The following PCDH7 variants were observed in gnomAD, a reference collection of about 807,000 sequenced individuals.
PCDH7 encodes protocadherin-7.
In PCDH7, 17 loss-of-function variants were observed where a neutral mutation model predicts 58.9. That is an observed-to-expected ratio of 0.29 (90% CI 0.20 to 0.43). The LOEUF is 0.43. Ranked by LOEUF, PCDH7 falls within the 20% of genes least tolerant of loss-of-function variation. PCDH7 has a pLI of 1.00. For synonymous variants in PCDH7, 664 were observed against 616.4 expected, an observed-to-expected ratio of 1.08 and a Z score of -1.14; for missense variants, 1,274 against 1,441.0, an observed-to-expected ratio of 0.88 and a Z score of 1.88.
chr4:31,144,112 T>C (rs774231983), downstream of PCDH7: 2 of 152,202 alleles, frequency 1.3e-5, no homozygotes, highest in African/African-American at 2.4e-5. Flanking sequence ...TACAATTGCA[T>C]TTTTTACTTG....
At chr4:31,086,930 T>C (rs1283696929) in intron 3 of PCDH7, among the ~76,000 whole-genome samples, 1 of 152,168 alleles carries the variant, frequency 6.6e-6, no homozygotes, top group Non-Finnish European at 1.5e-5. Flanking sequence ...TAGCCAAGAA[T>C]ACCATCTGTT....
Position 30,894,510 on chromosome 4 carries a change from TATATATACAC to T in PCDH7, c.71-25641_71-25632del, listed in dbSNP as rs1300821043. 7.2e-3 allele frequency among the ~76,000 whole-genome samples: 355 copies of T among 49,426 alleles called. 7 individuals carry two copies. Among genetic ancestry groups the T allele is most frequent in the Non-Finnish European group, 7.8e-3 (238 of 30,526 alleles). 32.4% of individuals were successfully genotyped at this position (49,426 alleles called of 152,430 possible). A position where few individuals can be genotyped will look rare whatever the true frequency, so the allele number is the denominator to read the frequency against. On this transcript the variant is annotated intron_variant, in intron 1 of 3. Coordinates refer to the PCDH7 transcript ENST00000509759. ...AAAAAAATATATATATATATATATA[TATATATACAC>T]ACACACACACACACACACACACACA...
intron 3 of PCDH7, among the ~76,000 whole-genome samples, chr4:31,031,459 T>C (rs930484493): frequency 2.6e-5 from 4 of 152,152 alleles, no homozygotes; most frequent in Non-Finnish European, 5.9e-5. Context: ...CTTTGGGAAA[T>C]TCTGTGTGGT....
intron 1 of PCDH7, among the ~76,000 whole-genome samples, chr4:30,770,958 T>C (rs906429413): frequency 6.6e-6 from 1 of 152,144 alleles, no homozygotes; most frequent in East Asian, 1.9e-4. Context: ...ACACCACGAG[T>C]AAGCAGGCAG....
intron 3 of PCDH7, among the ~76,000 whole-genome samples, chr4:31,057,367 A>G (rs1757344097): frequency 6.6e-6 from 1 of 152,174 alleles, no homozygotes; most frequent in African/African-American, 2.4e-5. Flanking sequence ...AAGCATTGTC[A>G]CTTTCAACAG....
chr4:30,848,411 A>G (rs1732272401), intron 1 of PCDH7, among the ~76,000 whole-genome samples: 1 of 152,164 alleles, frequency 6.6e-6, no homozygotes, highest in Non-Finnish European at 1.5e-5. Flanking sequence ...GGCATACAGC[A>G]TGGCATACTA....
chr4:31,085,343 G>A (rs2065190487), intron 3 of PCDH7, among the ~76,000 whole-genome samples: 1 of 152,046 alleles, frequency 6.6e-6, no homozygotes, highest in Non-Finnish European at 1.5e-5. Context: ...AGGGAGAGTC[G>A]GAATCTTGTA....
chr4:31,063,861 C>T (rs1757883728), intron 3 of PCDH7, among the ~76,000 whole-genome samples: 1 of 151,574 alleles, frequency 6.6e-6, no homozygotes, highest in South Asian at 2.1e-4. Flanking sequence ...TATAAATGTC[C>T]CCATTTTATA....
intron 1 of PCDH7, among the ~76,000 whole-genome samples, chr4:30,784,725 A>C (rs191498019): frequency 8.1e-4 from 123 of 152,212 alleles, no homozygotes; most frequent in Non-Finnish European, 1.5e-3. Context: ...TTATAGGAGA[A>C]GAATTAACAA....
intron 1 of PCDH7, among the ~76,000 whole-genome samples, chr4:30,905,884 G>C (rs540607308): frequency 6.6e-6 from 1 of 152,248 alleles, no homozygotes; most frequent in East Asian, 1.9e-4. Flanking sequence ...ATGAGATCTT[G>C]CAGCCTTTTA....
chr4:30,823,373 C>T (rs1728608280), intron 1 of PCDH7, among the ~76,000 whole-genome samples: 1 of 152,162 alleles, frequency 6.6e-6, no homozygotes, highest in South Asian at 2.1e-4. Flanking sequence ...TCAAGGCAAG[C>T]ATGTCGTCAC....
chr4:30,977,899 G>A (rs894664532), intron 3 of PCDH7, among the ~76,000 whole-genome samples: 3 of 152,104 alleles, frequency 2.0e-5, no homozygotes, highest in Non-Finnish European at 2.9e-5. Flanking sequence ...AAATTATTTG[G>A]TATTAAAATA....
At chr4:30,958,595 TTGGC>T (rs1748086357) in intron 3 of PCDH7, among the ~76,000 whole-genome samples, 1 of 151,992 alleles carries the variant, frequency 6.6e-6, no homozygotes, top group African/African-American at 2.4e-5. Flanking sequence ...TCACGTATTT[TTGGC>T]AAAACATTTT....
At chr4:30,925,526 T>C (rs1392682922) in intron 2 of PCDH7, among the ~76,000 whole-genome samples, 1 of 152,352 alleles carries the variant, frequency 6.6e-6, no homozygotes, top group East Asian at 1.9e-4. Flanking sequence ...CATACCTTTT[T>C]TCGTCTTCTG....
At chr4:30,914,259 G>T (rs560176114) in intron 1 of PCDH7, among the ~76,000 whole-genome samples, 1 of 152,278 alleles carries the variant, frequency 6.6e-6, no homozygotes, top group East Asian at 1.9e-4. Context: ...GGAGAATGAT[G>T]GTACGTACAA....
At chr4:30,952,195 C>T (rs948717622) in intron 3 of PCDH7, among the ~76,000 whole-genome samples, 1 of 151,752 alleles carries the variant, frequency 6.6e-6, no homozygotes, top group East Asian at 1.9e-4. Flanking sequence ...TAATTTCATC[C>T]CCAGAAAAGG....
intron 1 of PCDH7, among the ~76,000 whole-genome samples, chr4:30,785,455 T>C (rs1343190882): frequency 6.6e-6 from 1 of 152,060 alleles, no homozygotes; most frequent in African/African-American, 2.4e-5. Flanking sequence ...TTCCCATATA[T>C]ATTAATTTTT....
intron 3 of PCDH7, among the ~76,000 whole-genome samples, chr4:31,106,232 G>T (rs1049610844): frequency 6.6e-6 from 1 of 151,950 alleles, no homozygotes; most frequent in Admixed American, 6.6e-5. Context: ...CTTTCTTATT[G>T]ATCTTGTGTC....
chr4:30,870,942 T>C (rs1381543301), intron 1 of PCDH7, among the ~76,000 whole-genome samples: 3 of 152,160 alleles, frequency 2.0e-5, no homozygotes, highest in Admixed American at 6.6e-5. Flanking sequence ...TACTCCCTTT[T>C]ATGTGCAATA....
Sources: allele counts gnomAD v4.1 joint callset (sites outside exome capture counted in the v4.1 genomes callset), GRCh38; gene constraint gnomAD v4.1.1; transcripts MANE v1.5; gene names NCBI Gene and HGNC (gene_info 2026-07-23, HGNC 2026-07-21).